Variants in CORIN observed in about 807,000 individuals in gnomAD.
The protein encoded by CORIN is corin, serine peptidase.
CORIN carries 117 observed loss-of-function variants against 125.3 expected under a neutral mutation model. That is an observed-to-expected ratio of 0.93 (90% CI 0.80 to 1.09). The LOEUF is 1.09. Among genes scored for constraint, CORIN ranks in the 50% least tolerant of loss-of-function variants. The probability of loss-of-function intolerance (pLI) is 0.00; values close to 1 mark genes in which losing one functional copy is unlikely to be tolerated. For missense variants in CORIN, 1,253 were observed against 1,306.7 expected, an observed-to-expected ratio of 0.96 and a Z score of 0.63; for synonymous variants, 450 against 466.4, an observed-to-expected ratio of 0.96 and a Z score of 0.45.
intron 4 of CORIN, among the ~76,000 whole-genome samples, chr4:47,747,989 A>G (rs890556355): frequency 6.6e-6 from 1 of 152,230 alleles, no homozygotes; most frequent in Non-Finnish European, 1.5e-5. Flanking sequence ...ATATAGAGAC[A>G]TTAAAATACC....
At chr4:47,624,857 A>T (rs1463902624) in intron 17 of CORIN, among the ~76,000 whole-genome samples, 1 of 150,524 alleles carries the variant, frequency 6.6e-6, no homozygotes, top group East Asian at 1.9e-4. Flanking sequence ...TGATGTACTT[A>T]GAATCCTAGA....
intron 3 of CORIN, among the ~76,000 whole-genome samples, chr4:47,784,422 G>A (rs1210297075): frequency 6.6e-6 from 1 of 152,120 alleles, no homozygotes; most frequent in Admixed American, 6.6e-5. Context: ...TCCTCTACAT[G>A]TCAATTTATG....
chr4:47,780,697 G>A (rs1487433415), intron 3 of CORIN, among the ~76,000 whole-genome samples: 1 of 152,094 alleles, frequency 6.6e-6, no homozygotes, highest in African/African-American at 2.4e-5. Context: ...GGCAGAATCT[G>A]TCTGATATAA....
At chr4:47,837,851 C>T (rs1459712093) in intron 1 of CORIN, 36 bp downstream of exon 1, 1 of 1,589,646 alleles carries the variant, frequency 6.3e-7, no homozygotes, top group South Asian at 1.1e-5. Context: ...GGCCATCACA[C>T]CTGGCTGCGG....
At chr4:47,622,991 T>C (rs1264616037) in intron 19 of CORIN, among the ~76,000 whole-genome samples, 1 of 151,538 alleles carries the variant, frequency 6.6e-6, no homozygotes, top group Non-Finnish European at 1.5e-5. Context: ...CTCACCTTGT[T>C]CAGCACACAG....
At chr4:47,788,343 G>C (rs1436060111) in intron 2 of CORIN, among the ~76,000 whole-genome samples, 5 of 152,072 alleles carry the variant, frequency 3.3e-5, no homozygotes, top group Admixed American at 1.3e-4. Context: ...AATAAAAATA[G>C]AAAAGCAGCT....
At chr4:47,724,077 G>A (rs972248148) in intron 5 of CORIN, among the ~76,000 whole-genome samples, 3 of 151,006 alleles carry the variant, frequency 2.0e-5, no homozygotes, top group Admixed American at 6.6e-5. Flanking sequence ...CACCCCTGAA[G>A]TGACCTAGAT....
intron 19 of CORIN, among the ~76,000 whole-genome samples, chr4:47,615,627 T>C (rs964890109): frequency 9.9e-5 from 15 of 152,124 alleles, no homozygotes; most frequent in African/African-American, 3.6e-4. Flanking sequence ...AGGCAGACAT[T>C]AGGGTCCTGC....
intron 4 of CORIN, among the ~76,000 whole-genome samples, chr4:47,760,182 G>C (rs1729381262): frequency 6.6e-6 from 1 of 152,072 alleles, no homozygotes; most frequent in African/African-American, 2.4e-5. Flanking sequence ...CTGATTAATG[G>C]GCTGCAGAAT....
chr4:47,678,055 C>A lies in CORIN; in HGVS notation c.1133-1G>T. 1 of 1,597,266 alleles carries A rather than the reference C, an allele frequency of 6.3e-7. No individual in the cohort carries two copies. The highest frequency in any genetic ancestry group is 8.6e-7 in the Non-Finnish European group (1 of 1,164,660). On this transcript the variant is annotated splice_acceptor_variant, in intron 8 of 21. Coordinates refer to ENST00000273857, the MANE Select transcript of CORIN (RefSeq NM_006587.4). LOFTEE classifies it high-confidence loss of function. ...TCCACCAGACCCTGGCTGTGACAGG[C>A]TAGGAAGGACCATAACAATATTCAC...
At chr4:47,753,207 G>T (rs541065297) in intron 4 of CORIN, among the ~76,000 whole-genome samples, 2 of 152,218 alleles carry the variant, frequency 1.3e-5, no homozygotes, top group Admixed American at 1.3e-4. Flanking sequence ...AAAGGGGTGG[G>T]GGTGTACGAA....
chr4:47,730,036 C>G (rs1727795531), intron 5 of CORIN, among the ~76,000 whole-genome samples: 1 of 152,188 alleles, frequency 6.6e-6, no homozygotes, highest in Non-Finnish European at 1.5e-5. Flanking sequence ...ATCCTTGGAG[C>G]TCACGTGTGA....
intron 3 of CORIN, among the ~76,000 whole-genome samples, chr4:47,771,417 T>A (rs1218021547): frequency 6.6e-6 from 1 of 152,190 alleles, no homozygotes; most frequent in Non-Finnish European, 1.5e-5. Context: ...AGACAGGGTC[T>A]CTCCATGAAG....
At chr4:47,627,578 T>A (rs1262091950) in intron 16 of CORIN, among the ~76,000 whole-genome samples, 1 of 152,202 alleles carries the variant, frequency 6.6e-6, no homozygotes, top group African/African-American at 2.4e-5. Context: ...CAAAAAAACC[T>A]CTTACAAAAA....
intron 2 of CORIN, among the ~76,000 whole-genome samples, chr4:47,798,746 A>C (rs747251571): frequency 1.3e-5 from 2 of 152,066 alleles, no homozygotes; most frequent in African/African-American, 2.4e-5. Context: ...AAGTTGTAAC[A>C]TGTGTATATT....
chr4:47,598,144 G>A (rs1245346935), intron 21 of CORIN, among the ~76,000 whole-genome samples: 1 of 152,126 alleles, frequency 6.6e-6, no homozygotes, highest in African/African-American at 2.4e-5. Context: ...GTAATATTGG[G>A]CTTGAAACCA....
rs1343850239 is a variant in CORIN at position 47,623,710 on chromosome 4, T to C, written c.2401A>G (p.Arg801Gly). The part of the protein sequence containing the change: ...GRRPAARMNK[R>G]ILGGRTSRPG... Reference sequence around the variant, plus strand: ...CGACTCGTCCGACCTCCAAGGATCCTTTTGTTCATTCGGGCAGCAGGGCGG... The same window carrying C: ...CGACTCGTCCGACCTCCAAGGATCCCTTTGTTCATTCGGGCAGCAGGGCGG... The change falls in exon 19 of 22, where the codon AGG becomes GGG. Residue 801 changes from arginine to glycine, a missense_variant. Coordinates refer to ENST00000273857, the MANE Select transcript of CORIN (RefSeq NM_006587.4). 3 of 1,614,110 alleles carry C rather than the reference T, an allele frequency of 1.9e-6. No homozygotes were observed. The highest frequency in any genetic ancestry group is 3.3e-5 in the Admixed American group (2 of 60,004).
intron 13 of CORIN, chr4:47,652,821 C>T (rs1340506046): frequency 6.6e-6 from 1 of 152,194 alleles, no homozygotes; most frequent in Non-Finnish European, 1.5e-5. Context: ...GGAGTATGAA[C>T]TCTGCCTTCA....
chr4:47,674,710 G>C (rs1724935791), intron 9 of CORIN, among the ~76,000 whole-genome samples: 1 of 152,114 alleles, frequency 6.6e-6, no homozygotes, highest in Non-Finnish European at 1.5e-5. Context: ...TTCCAAAATA[G>C]GAATGAAGAA....
Sources: gnomAD v4.1 joint callset for allele counts (sites outside exome capture counted in the v4.1 genomes callset) on GRCh38, gnomAD v4.1.1 for gene constraint, MANE v1.5 for transcripts, NCBI Gene and HGNC (gene_info 2026-07-23, HGNC 2026-07-21) for gene names.